The following CRPPA variants were observed in gnomAD, a reference collection of about 807,000 sequenced individuals.
The protein encoded by CRPPA is CDP-L-ribitol pyrophosphorylase A.
A neutral mutation model predicts 52.0 loss-of-function variants in CRPPA; 43 were observed. The ratio of observed to expected loss-of-function variants is 0.83; its 90% CI spans 0.65 to 1.07. CRPPA has a LOEUF of 1.07. Among genes scored for constraint, CRPPA ranks in the 50% least tolerant of loss-of-function variants. The pLI is 0.00. For missense variants in CRPPA, 629 were observed against 551.7 expected, an observed-to-expected ratio of 1.14 and a Z score of -1.40; for synonymous variants, 250 against 203.5, an observed-to-expected ratio of 1.23 and a Z score of -1.94.
intron 6 of CRPPA, among the ~76,000 whole-genome samples, chr7:16,271,747 T>C (rs1784093790): frequency 6.6e-6 from 1 of 152,208 alleles, no homozygotes; most frequent in African/African-American, 2.4e-5. Flanking sequence ...CTCTCTTATA[T>C]AAGCACAGTT....
chr7:16,378,267 C>T (rs183246368), intron 2 of CRPPA, among the ~76,000 whole-genome samples: 1 of 106,998 alleles, frequency 9.3e-6, no homozygotes, highest in Non-Finnish European at 1.8e-5. Flanking sequence ...CCCCTCCCCC[C>T]ACCCCACAAC....
intron 2 of CRPPA, among the ~76,000 whole-genome samples, chr7:16,398,991 G>T (rs186567033): frequency 2.6e-5 from 4 of 152,356 alleles, no homozygotes; most frequent in Admixed American, 2.0e-4. Flanking sequence ...GCCGGAATGT[G>T]ATTGACACTT....
intron 3 of CRPPA, among the ~76,000 whole-genome samples, chr7:16,315,810 T>C (rs958724104): frequency 2.6e-5 from 4 of 152,148 alleles, no homozygotes; most frequent in Admixed American, 2.6e-4. Context: ...AATTATAATG[T>C]AGGTTTTCCT....
chr7:16,403,077 T>C (rs1397444931), intron 2 of CRPPA, among the ~76,000 whole-genome samples: 2 of 151,966 alleles, frequency 1.3e-5, no homozygotes, highest in Non-Finnish European at 2.9e-5. Flanking sequence ...TGGTTAGACT[T>C]CCCAAAAGCA....
intron 9 of CRPPA, among the ~76,000 whole-genome samples, chr7:16,183,188 T>C (rs911819429): frequency 6.6e-6 from 1 of 152,208 alleles, no homozygotes; most frequent in South Asian, 2.1e-4. Context: ...GCAAAAACAA[T>C]GCCAGCAAAG....
intron 9 of CRPPA, among the ~76,000 whole-genome samples, chr7:16,215,649 T>C (rs1039207402): frequency 2.6e-5 from 4 of 152,188 alleles, no homozygotes; most frequent in East Asian, 1.9e-4. Flanking sequence ...TAATCTTAAA[T>C]TACACCAGTG....
Position 16,089,315 on chromosome 7 carries a change from CGTACGTATATAAATATATGTGTGT to C in CRPPA, c.*2356_*2379del. The C allele has an allele frequency of 3.2e-6, 1 of 316,308 alleles. No homozygotes were observed. The highest frequency in any genetic ancestry group is 8.1e-5 in the East Asian group (1 of 12,274). The allele number at this position is 316,308 out of a possible 1,614,324, so 19.6% of individuals were successfully genotyped here. ...ACGTATATACATATATGTGTGTATG[CGTACGTATATAAATATATGTGTGT>C]ATGCGTACGTATATACATACATACA... On this transcript the variant is annotated 3_prime_UTR_variant, in exon 10 of 10. Coordinates refer to ENST00000407010, the MANE Select transcript of CRPPA (RefSeq NM_001101426.4).
chr7:16,254,843 AAGAG>A (rs1229873916), intron 8 of CRPPA, among the ~76,000 whole-genome samples: 17 of 145,638 alleles, frequency 1.2e-4, no homozygotes, highest in African/African-American at 3.8e-4. Context: ...GAAAGAAAGA[AAGAG>A]AAAGAAGAAA....
chr7:16,098,876 G>T (rs1287695230), intron 9 of CRPPA, among the ~76,000 whole-genome samples: 1 of 152,090 alleles, frequency 6.6e-6, no homozygotes, highest in Non-Finnish European at 1.5e-5. Context: ...AAACAAAACA[G>T]CCTCCTCCGA....
intron 8 of CRPPA, among the ~76,000 whole-genome samples, chr7:16,251,337 G>C (rs1783443387): frequency 6.6e-6 from 1 of 152,074 alleles, no homozygotes; most frequent in African/African-American, 2.4e-5. Flanking sequence ...AAATTAACAA[G>C]GATAATGAGG....
intron 2 of CRPPA, among the ~76,000 whole-genome samples, chr7:16,401,596 A>G (rs1213300742): frequency 6.6e-6 from 1 of 152,180 alleles, no homozygotes; most frequent in African/African-American, 2.4e-5. Flanking sequence ...GTCTCATTTG[A>G]GTCATCCTAT....
At chr7:16,366,861 TTCCAAG>T (rs1291613237) in intron 3 of CRPPA, among the ~76,000 whole-genome samples, 1 of 152,072 alleles carries the variant, frequency 6.6e-6, no homozygotes, top group East Asian at 1.9e-4. Context: ...GATAAACACT[TTCCAAG>T]TCCATCACCA....
intron 9 of CRPPA, among the ~76,000 whole-genome samples, chr7:16,122,043 C>A (rs566951082): frequency 3.9e-5 from 6 of 152,142 alleles, no homozygotes; most frequent in African/African-American, 1.4e-4. Flanking sequence ...CAGCACATTA[C>A]AAATCTCCTG....
chr7:16,349,792 G>A (rs1419632313), intron 3 of CRPPA, among the ~76,000 whole-genome samples: 1 of 152,016 alleles, frequency 6.6e-6, no homozygotes, highest in South Asian at 2.1e-4. Flanking sequence ...AAGAACGTAT[G>A]CATTATCCAC....
At chr7:16,336,604 AC>A (rs1562639385) in intron 3 of CRPPA, among the ~76,000 whole-genome samples, 1 of 151,902 alleles carries the variant, frequency 6.6e-6, no homozygotes, top group East Asian at 1.9e-4. Context: ...CAATCAGAAA[AC>A]AAAGTTACAA....
intron 6 of CRPPA, chr7:16,269,752 A>T (rs1257348997): frequency 2.6e-5 from 4 of 152,210 alleles, no homozygotes; most frequent in Non-Finnish European, 2.9e-5. Flanking sequence ...AAGCTACTAG[A>T]ACAACAGAAT....
At chr7:16,148,967 C>A (rs1583390826) in intron 9 of CRPPA, among the ~76,000 whole-genome samples, 1 of 152,196 alleles carries the variant, frequency 6.6e-6, no homozygotes, top group Admixed American at 6.5e-5. Context: ...TATGAAGAAA[C>A]TGTATAAAAC....
intron 3 of CRPPA, among the ~76,000 whole-genome samples, chr7:16,366,353 C>G (rs1353909258): frequency 1.3e-5 from 2 of 152,144 alleles, no homozygotes; most frequent in Non-Finnish European, 2.9e-5. Context: ...AAAGCTGCAT[C>G]CTCACTAGCA....
intron 3 of CRPPA, among the ~76,000 whole-genome samples, chr7:16,352,953 A>C (rs6978854): frequency 0.51 from 77,740 of 151,218 alleles, 20,298 homozygotes; most frequent in South Asian, 0.67. Flanking sequence ...CCTGCAAAAG[A>C]CAGGAAATTG....
Sources: allele counts gnomAD v4.1 joint callset (sites outside exome capture counted in the v4.1 genomes callset), GRCh38; gene constraint gnomAD v4.1.1; transcripts MANE v1.5; gene names NCBI Gene and HGNC (gene_info 2026-07-23, HGNC 2026-07-21).